Variants in PLCG2 observed in about 807,000 individuals in gnomAD.
PLCG2 encodes the protein phospholipase C gamma 2.
PLCG2 carries 69 observed loss-of-function variants against 175.6 expected under a neutral mutation model. The observed-to-expected ratio is 0.39, with a 90% CI of 0.32 to 0.48. The LOEUF (loss-of-function observed/expected upper bound fraction) is 0.48, where lower values mean the gene tolerates loss of function less well. Ranked by LOEUF, PLCG2 falls within the 20% of genes least tolerant of loss-of-function variation. PLCG2 has a pLI of 0.91. For missense variants in PLCG2, 1,798 were observed against 1,650.9 expected, an observed-to-expected ratio of 1.09 and a Z score of -1.54; for synonymous variants, 827 against 624.0, an observed-to-expected ratio of 1.33 and a Z score of -4.85.
At chr16:81,778,955 C>T (rs1168519938), upstream of PLCG2, among the ~76,000 whole-genome samples, 1 of 152,188 alleles carries the variant, frequency 6.6e-6, no homozygotes, top group Non-Finnish European at 1.5e-5. Context: ...GCCCGGGCGC[C>T]CGGCCGGGAG....
chr16:81,826,533 A>C (rs1905056494), intron 2 of PLCG2, among the ~76,000 whole-genome samples: 1 of 152,224 alleles, frequency 6.6e-6, no homozygotes, highest in African/African-American at 2.4e-5. Flanking sequence ...TTTAGAATTC[A>C]ATGTAACAAG....
chr16:81,825,279 T>C (rs1431638267), intron 2 of PLCG2, among the ~76,000 whole-genome samples: 1 of 149,702 alleles, frequency 6.7e-6, no homozygotes. Context: ...GAAGAGATGC[T>C]CTAATTTTTT....
chr16:81,928,779 C>T (rs1910383625), intron 24 of PLCG2, 155 bp downstream of exon 24: 1 of 631,896 alleles, frequency 1.6e-6, no homozygotes, highest in South Asian at 1.9e-5. Context: ...TCAGGCTGGT[C>T]AGTGAGTATG....
At chr16:81,828,654 C>A (rs1049259484) in intron 2 of PLCG2, among the ~76,000 whole-genome samples, 2 of 152,108 alleles carry the variant, frequency 1.3e-5, no homozygotes, top group African/African-American at 2.4e-5. Context: ...GAAAAGGTTG[C>A]TTTTACAACC....
At position 81,786,017 on chromosome 16, in the gene PLCG2, C is replaced by T; in HGVS notation, c.28C>T (p.Leu10Phe). Residue 10 changes from leucine (L) to phenylalanine (F), a missense_variant, in exon 2 of 33, where the codon CTT (leucine) becomes TTT (phenylalanine). Coordinates refer to ENST00000564138, the MANE Select transcript of PLCG2 (RefSeq NM_002661.5). ...GTCCACCACGGTCAATGTAGATTCC[C>T]TTGCGGAATATGAGAAGAGCCAGAT... MSTTVNVDS[L>F]AEYEKSQIKR... 6.2e-7 allele frequency: 1 copy of T among 1,614,180 alleles called. No homozygotes were observed. Among genetic ancestry groups the T allele is most frequent in the East Asian group, 2.2e-5 (1 of 44,888 alleles).
intron 19 of PLCG2, among the ~76,000 whole-genome samples, chr16:81,919,170 C>G (rs35719880): frequency 0.12 from 17,728 of 152,196 alleles, 1,388 homozygotes; most frequent in Non-Finnish European, 0.17. Context: ...CACATTTGGC[C>G]TACTCTTGAC....
intron 2 of PLCG2, among the ~76,000 whole-genome samples, chr16:81,805,080 C>G (rs1346983252): frequency 6.6e-6 from 1 of 152,158 alleles, no homozygotes; most frequent in African/African-American, 2.4e-5. Flanking sequence ...ACACTTTTCC[C>G]CAATCACCAT....
chr16:81,928,647 C>T (rs1910377419), intron 24 of PLCG2, 23 bp downstream of exon 24: 2 of 1,538,100 alleles, frequency 1.3e-6, no homozygotes, highest in Non-Finnish European at 1.8e-6. Context: ...ATCATCTTAG[C>T]CTGGATTTCC....
rs1342104021 is a variant in PLCG2, at chr16:81,910,532, G to A, written c.1746G>A (p.Arg582=). The part of the protein sequence containing the change: ...DYTLSFWRSG[R]VQHCRIRSTM... ...CCTCTCCCCGCAGGCGGTCAGGCCG[G>A]GTCCAGCACTGCCGGATCCGCTCCA... is the stretch of plus-strand genomic sequence containing the variant. Residue 582 remains arginine (R), a synonymous_variant, in exon 18 of 33, where the codon CGG becomes CGA. Transcript: ENST00000564138. 13 of 1,613,842 alleles carry A rather than the reference G, an allele frequency of 8.1e-6. No individual in the cohort carries two copies. Among genetic ancestry groups the A allele is most frequent in the Non-Finnish European group, 1.1e-5 (13 of 1,179,980 alleles).
rs187097932 is a variant in PLCG2 at position 81,806,101 on chromosome 16, G to T, written c.193+19919G>T. On this transcript the variant is annotated intron_variant, in intron 2 of 32. Transcript: ENST00000564138. ...AACGAGATATTTGATTCTGGTTTTT[G>T]GTCTGTGTCTTCAAAATCCAGTGTG... 8.2e-3 allele frequency among the ~76,000 whole-genome samples: 1,242 copies of T among 151,344 alleles called. 19 individuals carry two copies. Among genetic ancestry groups the T allele is most frequent in the African/African-American group, 0.028 (1,178 of 41,404 alleles).
rs188610105 is a variant in PLCG2, at chr16:81,827,408, C to G, written c.194-27036C>G. ...TTTGCCATGTTTCCCAGGCTGATCT[C>G]GAACTCCTAGGCTCAAGGAGTTCAC... On this transcript the variant is annotated intron_variant, in intron 2 of 32. Transcript: ENST00000564138. Among the ~76,000 whole-genome samples, 384 of 152,010 alleles carry G rather than the reference C, an allele frequency of 2.5e-3. 1 individual carries two copies. The highest frequency in any genetic ancestry group is 4.0e-3 in the Non-Finnish European group (272 of 67,970).
At chr16:81,803,558 C>CT (rs1555507858) in intron 2 of PLCG2, among the ~76,000 whole-genome samples, 24 of 132,550 alleles carry the variant, frequency 1.8e-4, no homozygotes, top group South Asian at 2.6e-4. Context: ...CCTTTCTTTC[C>CT]TTCCTTTCCT....
intron 2 of PLCG2, among the ~76,000 whole-genome samples, chr16:81,813,246 A>G (rs566393279): frequency 3.9e-5 from 6 of 152,340 alleles, no homozygotes; most frequent in South Asian, 2.1e-4. Flanking sequence ...CATTGAATCT[A>G]TAAATTACTT....
At chr16:81,831,468 T>A (rs897177060) in intron 2 of PLCG2, among the ~76,000 whole-genome samples, 1 of 152,236 alleles carries the variant, frequency 6.6e-6, no homozygotes, top group South Asian at 2.1e-4. Flanking sequence ...TAAATCCTCA[T>A]GTCAATGCCA....
rs562394869 is a variant in PLCG2 at position 81,905,548 on chromosome 16, C to T, written c.1467+41C>T. The T allele has an allele frequency of 1.4e-5, 18 of 1,293,946 alleles. No individual in the cohort carries two copies. The Admixed American group carries it at 2.4e-4, about 17-fold the overall frequency. The allele number at this position is 1,293,946 out of a possible 1,614,324, so 80.2% of individuals were successfully genotyped here. ...TTCCCGTAGCCACTGCGGCCACGCC[C>T]CTTGCAGCTGCTTCTTGGAGCCCTG... On this transcript the variant is annotated intron_variant, in intron 15 of 32. Coordinates refer to ENST00000564138, the MANE Select transcript of PLCG2 (RefSeq NM_002661.5).
intron 9 of PLCG2, among the ~76,000 whole-genome samples, chr16:81,886,225 C>T (rs767807982): frequency 6.6e-5 from 10 of 152,186 alleles, no homozygotes; most frequent in African/African-American, 2.4e-4. Context: ...TTTCCCCAAA[C>T]GGGGCCCTTT....
chr16:81,929,129 TG>T (rs1258349880), intron 24 of PLCG2, among the ~76,000 whole-genome samples: 1 of 152,174 alleles, frequency 6.6e-6, no homozygotes, highest in East Asian at 1.9e-4. Context: ...TGCAACGGGA[TG>T]TGAAGGCGTG....
At chr16:81,824,906 C>T (rs1053913708) in intron 2 of PLCG2, among the ~76,000 whole-genome samples, 2 of 152,078 alleles carry the variant, frequency 1.3e-5, no homozygotes, top group African/African-American at 4.8e-5. Context: ...CCAGGTAGGC[C>T]CAATGTAATT....
At chr16:81,764,672 C>T (rs982229936) in intron 2 of PLCG2, among the ~76,000 whole-genome samples, 2 of 152,198 alleles carry the variant, frequency 1.3e-5, no homozygotes, top group African/African-American at 2.4e-5. Flanking sequence ...CCTTGTGGAC[C>T]AGGTTGAACA....
Sources: gnomAD v4.1 joint callset for allele counts (sites outside exome capture counted in the v4.1 genomes callset) on GRCh38, gnomAD v4.1.1 for gene constraint, MANE v1.5 for transcripts, NCBI Gene and HGNC (gene_info 2026-07-23, HGNC 2026-07-21) for gene names.